DLGAP4: variants seen among roughly 807,000 people sequenced by gnomAD.
The protein encoded by DLGAP4 is disks large-associated protein 4.
In DLGAP4, 18 loss-of-function variants were observed where a neutral mutation model predicts 86.9. The observed-to-expected ratio is 0.21, with a 90% CI of 0.14 to 0.31. DLGAP4 has a LOEUF of 0.31. Among genes scored for constraint, DLGAP4 ranks in the 10% least tolerant of loss-of-function variants. DLGAP4 has a pLI of 1.00. For missense variants in DLGAP4, 1,085 were observed against 1,362.6 expected (o/e 0.80, Z 3.21); for synonymous variants, 548 against 574.3 (o/e 0.95, Z 0.65).
chr20:36,318,971 C>T (rs2065139362), intron 1 of DLGAP4, among the ~76,000 whole-genome samples: 1 of 151,996 alleles, frequency 6.6e-6, no homozygotes, highest in African/African-American at 2.4e-5. Flanking sequence ...AGGTGAAACC[C>T]TGTCTCTACT....
intron 1 of DLGAP4, among the ~76,000 whole-genome samples, chr20:36,362,511 G>A (rs555845303): frequency 6.6e-6 from 1 of 152,342 alleles, no homozygotes; most frequent in African/African-American, 2.4e-5. Flanking sequence ...GCTCAGAGGT[G>A]TGAGCTGGGC....
intron 2 of DLGAP4, among the ~76,000 whole-genome samples, chr20:36,414,090 G>A (rs376762290): frequency 1.1e-4 from 17 of 152,094 alleles, no homozygotes; most frequent in Admixed American, 2.6e-4. Context: ...GCCCCACACC[G>A]TTGGGATAAT....
chr20:36,355,206 T>C (rs2147394502), intron 1 of DLGAP4, among the ~76,000 whole-genome samples: 1 of 152,316 alleles, frequency 6.6e-6, no homozygotes, highest in East Asian at 1.9e-4. Context: ...AAAAAGGAAG[T>C]AAATGGAGAC....
intron 2 of DLGAP4, among the ~76,000 whole-genome samples, chr20:36,389,627 T>TA (rs940061041): frequency 5.3e-5 from 8 of 151,918 alleles, no homozygotes; most frequent in South Asian, 2.1e-4. Flanking sequence ...TCTCTCTTTT[T>TA]AAAAAAAATT....
chr20:36,391,305 TCTC>T (rs2147464855), intron 2 of DLGAP4, among the ~76,000 whole-genome samples: 1 of 152,188 alleles, frequency 6.6e-6, no homozygotes, highest in African/African-American at 2.4e-5. Context: ...TCCCGCCCCT[TCTC>T]CTAATTTGCC....
chr20:36,447,844 G>A (rs926662851), intron 7 of DLGAP4, among the ~76,000 whole-genome samples: 11 of 132,600 alleles, frequency 8.3e-5, no homozygotes, highest in Non-Finnish European at 1.5e-4. Context: ...ATAAGTGGGA[G>A]GTAAACAATG....
At chr20:36,473,391 T>A (rs1351678093) in intron 7 of DLGAP4, among the ~76,000 whole-genome samples, 2 of 152,162 alleles carry the variant, frequency 1.3e-5, no homozygotes, top group Non-Finnish European at 2.9e-5. Context: ...ATTCCTCATT[T>A]GTTTGTCAGC....
intron 2 of DLGAP4, among the ~76,000 whole-genome samples, chr20:36,411,152 G>A (rs1001254124): frequency 6.6e-5 from 10 of 152,136 alleles, no homozygotes; most frequent in African/African-American, 2.2e-4. Context: ...ATCGCACCCA[G>A]CTAATTTTTG....
intron 7 of DLGAP4, among the ~76,000 whole-genome samples, chr20:36,450,579 T>C (rs1225844202): frequency 6.6e-6 from 1 of 152,126 alleles, no homozygotes; most frequent in East Asian, 1.9e-4. Flanking sequence ...CCTTCCCAGG[T>C]AGAAAACTTT....
chr20:36,349,296 T>G (rs1177921657), intron 1 of DLGAP4, among the ~76,000 whole-genome samples: 1 of 150,864 alleles, frequency 6.6e-6, no homozygotes, highest in Non-Finnish European at 1.5e-5. Flanking sequence ...CAGGCGCCTG[T>G]AGTCCCAGCT....
intron 2 of DLGAP4, among the ~76,000 whole-genome samples, chr20:36,391,404 C>T (rs926774991): frequency 4.6e-5 from 7 of 152,220 alleles, no homozygotes; most frequent in African/African-American, 1.7e-4. Flanking sequence ...AAGCCAGCCC[C>T]AGGGACCAGG....
intron 10 of DLGAP4, among the ~76,000 whole-genome samples, chr20:36,505,195 G>A (rs1347752419): frequency 6.6e-6 from 1 of 151,832 alleles, no homozygotes; most frequent in Non-Finnish European, 1.5e-5. Flanking sequence ...CACCATGCTA[G>A]CCAGGGTAGT....
At chr20:36,426,593 G>A (rs2147528869) in intron 2 of DLGAP4, among the ~76,000 whole-genome samples, 1 of 152,198 alleles carries the variant, frequency 6.6e-6, no homozygotes, top group African/African-American at 2.4e-5. Flanking sequence ...TTTGCTTAAT[G>A]GGTACAGAGT....
At chr20:36,323,175 C>CAAAAAAAAA (rs1164348704) in intron 1 of DLGAP4, among the ~76,000 whole-genome samples, 3 of 35,370 alleles carry the variant, frequency 8.5e-5, no homozygotes, top group African/African-American at 2.0e-4. Flanking sequence ...GACCCTATCT[C>CAAAAAAAAA]AAAAAAAAAA....
chr20:36,437,451 C>A (rs1398356546), intron 4 of DLGAP4, among the ~76,000 whole-genome samples: 1 of 152,210 alleles, frequency 6.6e-6, no homozygotes, highest in East Asian at 1.9e-4. Context: ...TCACCTGTAA[C>A]AGCACTGCCT....
chr20:36,480,655 G>A (rs1344945139), intron 7 of DLGAP4, among the ~76,000 whole-genome samples: 1 of 152,100 alleles, frequency 6.6e-6, no homozygotes, highest in African/African-American at 2.4e-5. Context: ...AAGCTACAGT[G>A]AACTATGATC....
intron 1 of DLGAP4, among the ~76,000 whole-genome samples, chr20:36,358,189 C>A (rs550207505): frequency 6.6e-6 from 1 of 152,224 alleles, no homozygotes; most frequent in Non-Finnish European, 1.5e-5. Flanking sequence ...CGACCTCCCC[C>A]ATGGGGCCAC....
intron 2 of DLGAP4, among the ~76,000 whole-genome samples, chr20:36,425,239 A>G (rs550730653): frequency 6.6e-6 from 1 of 152,310 alleles, no homozygotes; most frequent in Admixed American, 6.5e-5. Context: ...AACAAAAATG[A>G]CAAACAACCC....
intron 10 of DLGAP4, among the ~76,000 whole-genome samples, chr20:36,523,621 G>GAGA (rs2037515997): frequency 6.6e-6 from 1 of 152,134 alleles, no homozygotes; most frequent in Admixed American, 6.6e-5. Flanking sequence ...TCCTTTTTCT[G>GAGA]AGAAGAGTTC....
Sources: gnomAD v4.1 joint callset for allele counts (sites outside exome capture counted in the v4.1 genomes callset) on GRCh38, gnomAD v4.1.1 for gene constraint, MANE v1.5 for transcripts, NCBI Gene and HGNC (gene_info 2026-07-23, HGNC 2026-07-21) for gene names.